The following CCDC63 variants were observed in gnomAD, a reference collection of about 807,000 sequenced individuals.
The protein encoded by CCDC63 is coiled-coil domain containing 63.
Under a neutral mutation model 63.6 loss-of-function variants are expected in CCDC63, and 54 were observed. That is an observed-to-expected ratio of 0.85 (90% CI 0.68 to 1.07). The LOEUF is 1.07. CCDC63 is among the 50% of genes least tolerant of loss of function. The pLI is 0.00. For missense variants in CCDC63, 637 were observed against 689.6 expected (o/e 0.92, Z 0.86); for synonymous variants, 253 against 266.1 (o/e 0.95, Z 0.48).
intron 4 of CCDC63, among the ~76,000 whole-genome samples, chr12:110,861,169 C>T (rs949752591): frequency 6.6e-6 from 1 of 152,102 alleles, no homozygotes; most frequent in Admixed American, 6.6e-5. Context: ...AACCACCCCC[C>T]ACCATCCCAT....
At chr12:110,860,235 A>C (rs1054754160) in intron 4 of CCDC63, among the ~76,000 whole-genome samples, 1 of 152,196 alleles carries the variant, frequency 6.6e-6, no homozygotes, top group Non-Finnish European at 1.5e-5. Context: ...CCTCAGTGCA[A>C]GGGAGCCCCT....
chr12:110,865,445 A>G (rs1390391083), intron 4 of CCDC63, among the ~76,000 whole-genome samples: 2 of 141,014 alleles, frequency 1.4e-5, no homozygotes, highest in Non-Finnish European at 3.0e-5. Context: ...TTAATAATTG[A>G]TAGATGTTCA....
intron 4 of CCDC63, among the ~76,000 whole-genome samples, chr12:110,864,492 G>A (rs984046553): frequency 6.6e-5 from 10 of 151,862 alleles, no homozygotes; most frequent in Admixed American, 5.2e-4. Context: ...GGGAGGCTGC[G>A]GTGGGAGGAT....
chr12:110,873,980 G>T lies in CCDC63; in HGVS notation c.489+19G>T. On this transcript the variant is annotated intron_variant, in intron 5 of 11. Coordinates refer to ENST00000308208, the MANE Select transcript of CCDC63 (RefSeq NM_152591.3). ...GAATCTCGTATGTAAAGTGTTCTCTGCAGCTCTGCAAACAGCTCTGCCCAC... is the reference window on the plus strand; with the variant it reads ...GAATCTCGTATGTAAAGTGTTCTCTTCAGCTCTGCAAACAGCTCTGCCCAC... 6.2e-7 allele frequency: 1 copy of T among 1,602,580 alleles called. No homozygotes were observed. Among genetic ancestry groups the T allele is most frequent in the Non-Finnish European group, 8.5e-7 (1 of 1,174,146 alleles).
At chr12:110,867,522 GGGGGCT>G (rs2136671099) in intron 4 of CCDC63, among the ~76,000 whole-genome samples, 1 of 106,572 alleles carries the variant, frequency 9.4e-6, no homozygotes, top group South Asian at 3.0e-4. Context: ...TGGCCGGGCG[GGGGGCT>G]GACCCCCCCA....
intron 1 of CCDC63, among the ~76,000 whole-genome samples, chr12:110,850,265 C>T (rs2070689588): frequency 6.6e-6 from 1 of 152,218 alleles, no homozygotes; most frequent in Non-Finnish European, 1.5e-5. Context: ...GACAGACTTC[C>T]CCTCTGCTCA....
At chr12:110,865,672 C>T (rs2070938062) in intron 4 of CCDC63, among the ~76,000 whole-genome samples, 1 of 152,130 alleles carries the variant, frequency 6.6e-6, no homozygotes, top group African/African-American at 2.4e-5. Flanking sequence ...TCTTCTCTAA[C>T]AGATTTCTGA....
At chr12:110,878,561 CGCCTTG>C (rs2071161684) in intron 5 of CCDC63, among the ~76,000 whole-genome samples, 5 of 152,136 alleles carry the variant, frequency 3.3e-5, no homozygotes, top group Admixed American at 1.3e-4. Flanking sequence ...GTGATCCACC[CGCCTTG>C]GCCTCCCAAA....
intron 4 of CCDC63, among the ~76,000 whole-genome samples, chr12:110,869,551 A>G (rs1215623064): frequency 2.6e-5 from 4 of 152,066 alleles, no homozygotes; most frequent in Admixed American, 1.3e-4. Context: ...GGGGTTAAAT[A>G]TTGATAATGA....
At chr12:110,881,717 C>CA (rs71083160) in intron 7 of CCDC63, among the ~76,000 whole-genome samples, 40,994 of 147,332 alleles carry the variant, frequency 0.28, 5,554 homozygotes, top group Middle Eastern at 0.31. Flanking sequence ...ATAAGACTCT[C>CA]AAAAAAAAAA....
At chr12:110,896,288 G>A (rs1363250971) in intron 9 of CCDC63, among the ~76,000 whole-genome samples, 1 of 152,120 alleles carries the variant, frequency 6.6e-6, no homozygotes, top group African/African-American at 2.4e-5. Flanking sequence ...TTATAGGCGT[G>A]AGCCACCATG....
rs781080685 is a variant in CCDC63 at position 110,858,664 on chromosome 12, G to A, written c.258G>A (p.Met86Ile). Residue 86 changes from methionine (M) to isoleucine (I), a missense_variant, in exon 4 of 12, where the codon ATG becomes ATA. Coordinates refer to ENST00000308208, the MANE Select transcript of CCDC63 (RefSeq NM_152591.3). The part of the protein sequence containing the change: ...LLSLMKSSRN[M>I]NRSEKNYMEL... ...GTCTCATGAAATCCTCGAGGAACATGAATCGGAGTGAGAAGAACTACATGG... is the reference window on the plus strand; with the variant it reads ...GTCTCATGAAATCCTCGAGGAACATAAATCGGAGTGAGAAGAACTACATGG... The A allele has an allele frequency of 1.7e-5, 28 of 1,614,144 alleles. No homozygotes were observed. The highest frequency in any genetic ancestry group is 2.3e-5 in the Non-Finnish European group (27 of 1,180,018).
intron 11 of CCDC63, among the ~76,000 whole-genome samples, chr12:110,906,772 G>T (rs113360082): frequency 6.6e-5 from 10 of 152,076 alleles, no homozygotes; most frequent in Admixed American, 1.3e-4. Context: ...AACTTCCACC[G>T]CCCTTTCAGT....
intron 4 of CCDC63, among the ~76,000 whole-genome samples, chr12:110,861,139 G>T (rs1322960780): frequency 6.6e-6 from 1 of 152,024 alleles, no homozygotes; most frequent in Admixed American, 6.6e-5. Context: ...AAGGGGGATG[G>T]TGCCAAACCA....
At chr12:110,886,385 C>CA (rs900350382) in intron 8 of CCDC63, among the ~76,000 whole-genome samples, 11 of 147,900 alleles carry the variant, frequency 7.4e-5, no homozygotes, top group African/African-American at 2.0e-4. Context: ...GACTTCGTCT[C>CA]AAAAAAAACC....
At chr12:110,866,670 G>A (rs1040843614) in intron 4 of CCDC63, among the ~76,000 whole-genome samples, 3 of 151,280 alleles carry the variant, frequency 2.0e-5, no homozygotes, top group African/African-American at 4.9e-5. Context: ...CAAGGCAGAG[G>A]AATTTTTCTT....
Position 110,848,320 on chromosome 12 carries a change from G to A in CCDC63, c.-97+1215G>A, listed in dbSNP as rs145033338. Among the ~76,000 whole-genome samples the A allele has an allele frequency of 3.4e-3, 512 of 152,312 alleles. 3 individuals carry two copies. Among genetic ancestry groups the A allele is most frequent in the African/African-American group, 0.012 (486 of 41,560 alleles). On this transcript the variant is annotated intron_variant, in intron 1 of 11. Coordinates refer to ENST00000308208, the MANE Select transcript of CCDC63 (RefSeq NM_152591.3). ...TTTCAGACCCTTGAATGAGAGGGTG[G>A]TAAGCCAGGGGTCAGGACATCCAGG...
chr12:110,883,950 T>C (rs955684972), intron 7 of CCDC63, 80 bp from the exon 8 acceptor site: 2 of 1,113,192 alleles, frequency 1.8e-6, no homozygotes, highest in African/African-American at 3.1e-5. Flanking sequence ...ACAATAATAT[T>C]GATCACGTTA....
upstream of CCDC63, among the ~76,000 whole-genome samples, chr12:110,845,065 A>G (rs576894908): frequency 2.6e-5 from 4 of 152,300 alleles, no homozygotes; most frequent in South Asian, 4.2e-4. Flanking sequence ...GATAAAGCAG[A>G]AGGTCCCTTT....
Sources: gnomAD v4.1 joint callset for allele counts (sites outside exome capture counted in the v4.1 genomes callset) on GRCh38, gnomAD v4.1.1 for gene constraint, MANE v1.5 for transcripts, NCBI Gene and HGNC (gene_info 2026-07-23, HGNC 2026-07-21) for gene names.